Variants in SLC12A3 observed in about 807,000 individuals in gnomAD.
SLC12A3 encodes the protein Na-Cl cotransporter.
SLC12A3 carries 104 observed loss-of-function variants against 121.0 expected under a neutral mutation model. The observed-to-expected ratio is 0.86, with a 90% CI of 0.73 to 1.01. The LOEUF is 1.01. Ranked by LOEUF, SLC12A3 falls within the 50% of genes least tolerant of loss-of-function variation. The pLI is 0.00. For missense variants in SLC12A3, 1,328 were observed against 1,356.3 expected (o/e 0.98, Z 0.33); for synonymous variants, 536 against 533.4 (o/e 1.00, Z -0.07).
intron 22 of SLC12A3, among the ~76,000 whole-genome samples, chr16:56,896,127 A>G (rs1460946689): frequency 2.0e-5 from 3 of 152,242 alleles, no homozygotes; most frequent in Non-Finnish European, 4.4e-5. Context: ...AGTGTCTCCA[A>G]TGCATGGGAT....
At chr16:56,906,892 C>T (rs1172310898) in intron 25 of SLC12A3, 19 of 543,672 alleles carry the variant, frequency 3.5e-5, no homozygotes, top group South Asian at 1.2e-4. Flanking sequence ...GTTAAGGGGA[C>T]TGTAAAGGCC....
intron 24 of SLC12A3, 22 bp downstream of exon 24, chr16:56,902,530 G>A: frequency 2.7e-5 from 19 of 694,344 alleles, no homozygotes; most frequent in Non-Finnish European, 4.6e-5. Context: ...GGTGGGGGTG[G>A]GAAACGCGAC....
In SLC12A3 at chr16:56,884,212, T is replaced by C; in HGVS notation, c.1825+8T>C. 1.2e-6 allele frequency: 2 copies of C among 1,613,928 alleles called. No individual in the cohort carries two copies. The highest frequency in any genetic ancestry group is 1.7e-6 in the Non-Finnish European group (2 of 1,179,940). On this transcript the variant is annotated splice_region_variant and intron_variant, in intron 14 of 25. Transcript: ENST00000563236. ...TCATCTACAAGAAGCCAGGTGCGCA[T>C]CTCAGCTGCGGGGCCTCGGCCCTCC...
At chr16:56,894,023 A>G in intron 21 of SLC12A3, among the ~76,000 whole-genome samples, 1 of 142,610 alleles carries the variant, frequency 7.0e-6, no homozygotes, top group African/African-American at 2.7e-5. Flanking sequence ...TTATTTATTG[A>G]GATGGAGTCT....
At chr16:56,903,754 C>T (rs1000330343) in intron 24 of SLC12A3, among the ~76,000 whole-genome samples, 5 of 136,520 alleles carry the variant, frequency 3.7e-5, no homozygotes, top group Admixed American at 1.4e-4. Flanking sequence ...ACCCCCAACC[C>T]AGTCCCACGC....
chr16:56,879,720 C>G, intron 11 of SLC12A3, 71 bp downstream of exon 11: 1 of 1,110,884 alleles, frequency 9.0e-7, no homozygotes, highest in African/African-American at 1.5e-5. Context: ...TAGGGCGGGT[C>G]CCTGGGTGAC....
At chr16:56,912,914 G>A (rs1338583801) in intron 25 of SLC12A3, among the ~76,000 whole-genome samples, 1 of 152,174 alleles carries the variant, frequency 6.6e-6, no homozygotes, top group African/African-American at 2.4e-5. Flanking sequence ...AGAACGTCAA[G>A]TGCAAAGGTT....
At chr16:56,887,208 A>T in intron 17 of SLC12A3, 115 bp downstream of exon 17, 1 of 1,371,738 alleles carries the variant, frequency 7.3e-7, no homozygotes, top group Non-Finnish European at 1.0e-6. Flanking sequence ...AAGGAGCCCC[A>T]ACTTTTTTTT....
chr16:56,906,916 C>T, intron 25 of SLC12A3: 1 of 469,366 alleles, frequency 2.1e-6, no homozygotes, highest in South Asian at 2.2e-5. Context: ...TTGGTGCTGG[C>T]AAAAGGTGGG....
chr16:56,874,441 C>T (rs1200127694), intron 8 of SLC12A3, among the ~76,000 whole-genome samples: 2 of 152,100 alleles, frequency 1.3e-5, no homozygotes, highest in African/African-American at 2.4e-5. Flanking sequence ...CACAGCTAAC[C>T]CCTACCCCAA....
At position 56,868,327 on chromosome 16, in the gene SLC12A3, A is replaced by T. The variant is rs748547209; in HGVS notation, c.460A>T (p.Ile154Phe). 4.5e-5 allele frequency: 73 copies of T among 1,613,890 alleles called. No homozygotes were observed. The highest frequency in any genetic ancestry group is 6.1e-5 in the Non-Finnish European group (72 of 1,179,984). Residue 154 changes from isoleucine (I) to phenylalanine (F), a missense_variant, in exon 3 of 26, where the codon ATC becomes TTC. Transcript: ENST00000563236. The stretch of plus-strand genomic sequence containing the variant: ...TTGCATGCTCAACATTTGGGGCGTG[A>T]TCCTCTACCTGCGGCTGCCCTGGAT... The part of the protein sequence containing the change: ...IRCMLNIWGV[I>F]LYLRLPWITA...
intron 16 of SLC12A3, 21 bp downstream of exon 16, chr16:56,886,496 C>G (rs367997259): frequency 6.3e-7 from 1 of 1,588,262 alleles, no homozygotes; most frequent in South Asian, 1.1e-5. Flanking sequence ...CCTGGAGGGG[C>G]ACAGGGGACC....
intron 18 of SLC12A3, among the ~76,000 whole-genome samples, chr16:56,888,760 G>A (rs1028861922): frequency 3.6e-4 from 54 of 151,888 alleles, no homozygotes; most frequent in Non-Finnish European, 6.0e-4. Context: ...GGGTTTCACC[G>A]TGTTAGCCAG....
rs1964322654 is a variant in SLC12A3, at chr16:56,865,269, G to GA, written c.35dup (p.Asp12GlufsTer18). 4 of 1,613,860 alleles carry GA rather than the reference G, an allele frequency of 2.5e-6. No individual in the cohort carries two copies. Among genetic ancestry groups the GA allele is most frequent in the Non-Finnish European group, 3.4e-6 (4 of 1,180,042 alleles). ...ACTGCCCACAACAGAGACGCCTGGG[G>GA]ACGCCACTTTGTGCAGCGGGCGCTT... On this transcript the variant is annotated frameshift_variant, in exon 1 of 26. Coordinates refer to ENST00000563236, the MANE Select transcript of SLC12A3 (RefSeq NM_001126108.2). LOFTEE classifies it high-confidence loss of function.
chr16:56,906,688 T>A (rs1357758816), intron 25 of SLC12A3: 4 of 509,638 alleles, frequency 7.8e-6, no homozygotes, highest in Non-Finnish European at 1.4e-5. Context: ...AAGACCACAC[T>A]GGATATCATC....
intron 8 of SLC12A3, among the ~76,000 whole-genome samples, chr16:56,876,865 C>G (rs1042006938): frequency 1.3e-5 from 2 of 152,200 alleles, no homozygotes; most frequent in Admixed American, 1.3e-4. Flanking sequence ...CTTGAACTTA[C>G]TGTAAAAATC....
chr16:56,913,561 T>C lies in SLC12A3; in HGVS notation c.*156T>C, dbSNP rs1200443406. The C allele has an allele frequency of 6.3e-6, 5 of 798,450 alleles. No homozygotes were observed. Among genetic ancestry groups the C allele is most frequent in the African/African-American group, 5.0e-5 (3 of 59,716 alleles). The allele number at this position is 798,450 out of a possible 1,614,324, so 49.5% of individuals were successfully genotyped here. A position where few individuals can be genotyped will look rare whatever the true frequency, so the allele number is the denominator to read the frequency against. On this transcript the variant is annotated 3_prime_UTR_variant, in exon 26 of 26. Transcript: ENST00000563236. ...GAAAAAGATGGTAGATTTCCAAATCTGGCTGGACTCCACTTCCATGGGACA... is the reference window on the plus strand; with the variant it reads ...GAAAAAGATGGTAGATTTCCAAATCCGGCTGGACTCCACTTCCATGGGACA...
intron 14 of SLC12A3, among the ~76,000 whole-genome samples, chr16:56,884,492 A>G (rs2144724434): frequency 6.6e-6 from 1 of 152,306 alleles, no homozygotes; most frequent in East Asian, 1.9e-4. Context: ...CCTCTTCCCT[A>G]GGGCTGTCCC....
chr16:56,890,355 C>G lies in SLC12A3; in HGVS notation c.2367C>G (p.His789Gln), dbSNP rs777228913. The change falls in exon 19 of 26, where the codon CAC (histidine) becomes CAG (glutamine). Residue 789 changes from histidine to glutamine, a missense_variant and splice_region_variant. Transcript: ENST00000563236. Reference protein sequence around the residue: ...GLNVSKMMQAHINPVFDPAED... With the variant: ...GLNVSKMMQAQINPVFDPAED... ...ACGTGTCCAAGATGATGCAGGCGCACAGTGAGTACATGCCCCACCCACTCC... is the reference window on the plus strand; with the variant it reads ...ACGTGTCCAAGATGATGCAGGCGCAGAGTGAGTACATGCCCCACCCACTCC... 2.5e-5 allele frequency: 41 copies of G among 1,613,328 alleles called. No homozygotes were observed. Among genetic ancestry groups the G allele is most frequent in the Admixed American group, 1.8e-4 (11 of 59,994 alleles).
Sources: gnomAD v4.1 joint callset for allele counts (sites outside exome capture counted in the v4.1 genomes callset) on GRCh38, gnomAD v4.1.1 for gene constraint, MANE v1.5 for transcripts, NCBI Gene and HGNC (gene_info 2026-07-23, HGNC 2026-07-21) for gene names.